The following UBXN2B variants were observed in gnomAD, a reference collection of about 807,000 sequenced individuals.
UBXN2B encodes UBX domain-containing protein 2B.
A neutral mutation model predicts 37.5 loss-of-function variants in UBXN2B; 19 were observed. That is an observed-to-expected ratio of 0.51 (90% confidence interval 0.35 to 0.74). UBXN2B has a LOEUF of 0.74. Among genes scored for constraint, UBXN2B ranks in the 30% least tolerant of loss-of-function variants. The pLI, the probability that UBXN2B is intolerant of heterozygous loss-of-function variation, is 0.01. For missense variants in UBXN2B, 370 were observed against 393.2 expected (o/e 0.94, Z 0.50); for synonymous variants, 145 against 143.8 (o/e 1.01, Z -0.06).
intron 6 of UBXN2B, among the ~76,000 whole-genome samples, chr8:58,442,798 G>A (rs78479974): frequency 1.7e-3 from 255 of 152,284 alleles, no homozygotes; most frequent in African/African-American, 5.6e-3. Context: ...TTGAGCTGGC[G>A]TGTATAATGA....
At chr8:58,428,745 A>G (rs1489580452) in intron 2 of UBXN2B, among the ~76,000 whole-genome samples, 1 of 152,240 alleles carries the variant, frequency 6.6e-6, no homozygotes, top group East Asian at 1.9e-4. Flanking sequence ...TGCTGCATGC[A>G]AAGACTTATT....
At chr8:58,446,162 ATGAT>A in intron 7 of UBXN2B, 94 bp downstream of exon 7, 1 of 1,286,684 alleles carries the variant, frequency 7.8e-7, no homozygotes, top group East Asian at 2.6e-5. Flanking sequence ...AATGAAGAAT[ATGAT>A]ATTCTTTAGG....
In UBXN2B at chr8:58,428,008, G is replaced by A. The variant is rs777184583; in HGVS notation, c.189-2511G>A. 1.2e-4 allele frequency among the ~76,000 whole-genome samples: 18 copies of A among 152,144 alleles called. 1 individual carries two copies. The highest frequency in any genetic ancestry group is 1.3e-4 in the Non-Finnish European group (9 of 68,006). ...GGAGAGAGTTCAACTATGAAACAGC[G>A]AAAGGGAGAAGAAGGATAGGCTCAA... On this transcript the variant is annotated intron_variant, in intron 2 of 7. Coordinates refer to ENST00000399598, the MANE Select transcript of UBXN2B (RefSeq NM_001077619.2).
chr8:58,434,857 G>A (rs1323650507), intron 5 of UBXN2B: 1 of 1,535,444 alleles, frequency 6.5e-7, no homozygotes, highest in Non-Finnish European at 8.7e-7. Flanking sequence ...ACTGTTGACA[G>A]GGTGACTCTC....
At chr8:58,417,277 C>G (rs1807809628) in intron 2 of UBXN2B, among the ~76,000 whole-genome samples, 1 of 152,086 alleles carries the variant, frequency 6.6e-6, no homozygotes, top group African/African-American at 2.4e-5. Flanking sequence ...TTTTTTGAGT[C>G]ATAGGACTCA....
rs375334381 is a variant in UBXN2B at position 58,439,664 on chromosome 8, C to T, written c.565C>T (p.His189Tyr). The change falls in exon 6 of 8, where the codon CAT becomes TAT. Residue 189 changes from histidine to tyrosine, a missense_variant. This residue lies in a region of UBXN2B where 90 missense variants were observed against 139.4 expected (regional missense o/e 0.65). Transcript: ENST00000399598. ...TCCCCTGGAGCTTCAGCGCCTTGTT[C>T]ATGGTGGCCAAGTGAATTTGGATAT... ...EIPLELQRLVHGGQVNLDMED... is the reference protein window; with the variant it reads ...EIPLELQRLVYGGQVNLDMED... The T allele has an allele frequency of 1.1e-5, 18 of 1,609,774 alleles. No individual in the cohort carries two copies. In the African/African-American group the frequency reaches 2.4e-4, roughly 22 times the overall value.
At position 58,439,737 on chromosome 8, in the gene UBXN2B, A is replaced by G; in HGVS notation, c.638A>G (p.Lys213Arg). ...QEYIKPRLRF[K>R]AFSGEGQKLG... ...TACATAAAACCTAGATTGAGGTTCA[A>G]GGCTTTTAGTGGAGAAGGGCAAAAA... The change falls in exon 6 of 8, where the codon AAG (lysine) becomes AGG (arginine). Residue 213 changes from lysine (K) to arginine (R), a missense_variant. Lys to Arg is a conservative substitution (Grantham distance 26). This residue lies in a region of UBXN2B where 90 missense variants were observed against 139.4 expected (regional missense o/e 0.65). Transcript: ENST00000399598. The G allele has an allele frequency of 6.2e-7, 1 of 1,606,760 alleles. No individual in the cohort carries two copies. Among genetic ancestry groups the G allele is most frequent in the South Asian group, 1.1e-5 (1 of 89,366 alleles).
At chr8:58,436,118 C>G (rs547867004) in intron 5 of UBXN2B, among the ~76,000 whole-genome samples, 1 of 150,440 alleles carries the variant, frequency 6.6e-6, no homozygotes, top group East Asian at 2.0e-4. Context: ...TCTGTGCAGT[C>G]TAGCACTTCC....
At chr8:58,437,485 G>A (rs943788853) in intron 5 of UBXN2B, among the ~76,000 whole-genome samples, 4 of 151,786 alleles carry the variant, frequency 2.6e-5, no homozygotes, top group East Asian at 1.9e-4. Flanking sequence ...TCACCACCAC[G>A]CCTGGCTAAT....
intron 2 of UBXN2B, chr8:58,425,512 T>C (rs747722271): frequency 5.6e-5 from 61 of 1,096,660 alleles, no homozygotes; most frequent in Admixed American, 1.9e-4. Context: ...AACCCTGGTA[T>C]GATCAAAGGG....
rs1282799561 is a variant in UBXN2B, at chr8:58,448,891, G to A, written c.*1340G>A. 7 of 152,234 alleles carry A rather than the reference G, an allele frequency of 4.6e-5. No homozygotes were observed. Among genetic ancestry groups the A allele is most frequent in the African/African-American group, 1.7e-4 (7 of 41,454 alleles). The allele number at this position is 152,234 out of a possible 1,614,324, so 9.4% of individuals were successfully genotyped here. A position where few individuals can be genotyped will look rare whatever the true frequency, so the allele number is the denominator to read the frequency against. ...ATTATCTTCACAATTCTGTAGGTTA[G>A]GAGTCCAGGTTAAGAGTTTCGCGGT... On this transcript the variant is annotated 3_prime_UTR_variant, in exon 8 of 8. Coordinates refer to ENST00000399598, the MANE Select transcript of UBXN2B (RefSeq NM_001077619.2).
intron 1 of UBXN2B, among the ~76,000 whole-genome samples, chr8:58,416,142 AGTT>A (rs903977334): frequency 3.3e-5 from 5 of 151,748 alleles, no homozygotes; most frequent in African/African-American, 1.2e-4. Context: ...AAAGTTGTTG[AGTT>A]GTTGTCCAAA....
At chr8:58,431,819 A>T (rs1808283050) in intron 3 of UBXN2B, among the ~76,000 whole-genome samples, 1 of 152,154 alleles carries the variant, frequency 6.6e-6, no homozygotes. Flanking sequence ...AATGATGTTA[A>T]TTTGCATTTT....
rs33952664 is a variant in UBXN2B at position 58,441,348 on chromosome 8, C to CATATATATATATATATATATAT, written c.671+1598_671+1599insATATATATATATATATATATAT. 3.1e-3 allele frequency among the ~76,000 whole-genome samples: 323 copies of CATATATATATATATATATATAT among 104,496 alleles called. 5 individuals carry two copies. Among genetic ancestry groups the CATATATATATATATATATATAT allele is most frequent in the African/African-American group, 7.9e-3 (197 of 24,896 alleles). 68.6% of individuals were successfully genotyped at this position (104,496 alleles called of 152,430 possible). On this transcript the variant is annotated intron_variant, in intron 6 of 7. Coordinates refer to ENST00000399598, the MANE Select transcript of UBXN2B (RefSeq NM_001077619.2). ...TTTTTACTCCTCTTGTTGTGATCAA[C>CATATATATATATATATATATAT]ATATATATATATATATATATGTATG...
chr8:58,432,067 A>C (rs1260811715), intron 3 of UBXN2B, among the ~76,000 whole-genome samples: 7 of 152,182 alleles, frequency 4.6e-5, no homozygotes, highest in Non-Finnish European at 1.0e-4. Context: ...AGGATTTTTC[A>C]CTAAGGAAAA....
At chr8:58,430,719 TC>T in intron 3 of UBXN2B, 50 bp downstream of exon 3, 1 of 1,298,706 alleles carries the variant, frequency 7.7e-7, no homozygotes, top group Non-Finnish European at 1.0e-6. Flanking sequence ...TTTTACCTCC[TC>T]TTTCATTTTT....
intron 6 of UBXN2B, among the ~76,000 whole-genome samples, chr8:58,444,289 G>A (rs1469574429): frequency 6.6e-6 from 1 of 152,132 alleles, no homozygotes; most frequent in Non-Finnish European, 1.5e-5. Flanking sequence ...CCAACTTTTA[G>A]TAGTGCCAAC....
At chr8:58,426,269 T>G in intron 2 of UBXN2B, 1 of 513,168 alleles carries the variant, frequency 1.9e-6, no homozygotes, top group South Asian at 2.0e-5. Context: ...TGCAGTGGCA[T>G]GATCTCGGCT....
Position 58,446,005 on chromosome 8 carries a change from CA to C in UBXN2B, c.775del (p.Ile259PhefsTer5). 1 of 1,613,104 alleles carries C rather than the reference CA, an allele frequency of 6.2e-7. No homozygotes were observed. Among genetic ancestry groups the C allele is most frequent in the Admixed American group, 1.7e-5 (1 of 59,888 alleles). On this transcript the variant is annotated frameshift_variant, in exon 7 of 8. Transcript: ENST00000399598. LOFTEE classifies it high-confidence loss of function. The stretch of plus-strand genomic sequence containing the variant: ...CTTATTGATGATTCAGTGCCAACAA[CA>C]AAAATTCAAATCAGGTTAGCAGATG... ...VVLIDDSVPT[T>X]KIQIRLADGS...
Sources: gnomAD v4.1 joint callset for allele counts (sites outside exome capture counted in the v4.1 genomes callset) on GRCh38, gnomAD v4.1.1 for gene constraint, gnomAD v4.1.1 regional missense constraint, MANE v1.5 for transcripts, NCBI Gene and HGNC (gene_info 2026-07-23, HGNC 2026-07-21) for gene names.